The following USP31 variants were observed in gnomAD, a reference collection of about 807,000 sequenced individuals.
USP31 encodes ubiquitin carboxyl-terminal hydrolase 31.
Under a neutral mutation model 119.4 loss-of-function variants are expected in USP31, and 44 were observed. The ratio of observed to expected loss-of-function variants is 0.37; its 90% confidence interval spans 0.29 to 0.47. USP31 has a LOEUF of 0.47. Among genes scored for constraint, USP31 ranks in the 20% least tolerant of loss-of-function variants. The pLI, the probability that USP31 is intolerant of heterozygous loss-of-function variation, is 0.99. For missense variants in USP31, 1,643 were observed against 1,730.2 expected (o/e 0.95, Z 0.89); for synonymous variants, 749 against 705.6 (o/e 1.06, Z -0.97).
At chr16:23,100,268 C>T (rs1193961395) in intron 6 of USP31, among the ~76,000 whole-genome samples, 4 of 152,072 alleles carry the variant, frequency 2.6e-5, no homozygotes, top group Non-Finnish European at 4.4e-5. Flanking sequence ...TGGAAACAAC[C>T]CAAATGTTCA....
chr16:23,132,157 C>A (rs1272934853), intron 1 of USP31, among the ~76,000 whole-genome samples: 1 of 152,148 alleles, frequency 6.6e-6, no homozygotes, highest in Non-Finnish European at 1.5e-5. Context: ...GATATCCCGA[C>A]GTGCTCCACT....
intron 6 of USP31, among the ~76,000 whole-genome samples, chr16:23,095,852 A>C (rs969053764): frequency 6.6e-6 from 1 of 152,238 alleles, no homozygotes; most frequent in Non-Finnish European, 1.5e-5. Flanking sequence ...GGAAGCACTA[A>C]ACATGGAAAG....
intron 1 of USP31, among the ~76,000 whole-genome samples, chr16:23,126,521 G>C (rs1186431880): frequency 6.6e-6 from 1 of 151,392 alleles, no homozygotes; most frequent in African/African-American, 2.4e-5. Flanking sequence ...CAGCTACTTG[G>C]GAGGCTGAGG....
At chr16:23,146,736 A>C (rs994421998) in intron 1 of USP31, among the ~76,000 whole-genome samples, 4 of 152,166 alleles carry the variant, frequency 2.6e-5, no homozygotes, top group African/African-American at 4.8e-5. Context: ...CGTCAGCAAG[A>C]AAGCAGGACC....
chr16:23,092,807 C>T (rs747249068), intron 6 of USP31, among the ~76,000 whole-genome samples: 7 of 151,992 alleles, frequency 4.6e-5, no homozygotes, highest in Non-Finnish European at 1.0e-4. Context: ...AGCTGGCCAA[C>T]CCAATATACA....
chr16:23,068,418 G>C lies in USP31; in HGVS notation c.3687C>G (p.Phe1229Leu). ...TTTCCTTCTGTCTCAAGGCTGATTT[G>C]AAGAAGGACAGCCCCTTGTCCTCAG... is the stretch of plus-strand genomic sequence containing the variant. ...SKSEDKGLSF[F>L]KSALRQKETR... The change falls in exon 16 of 16, where the codon TTC becomes TTG. Residue 1229 changes from phenylalanine (F) to leucine (L), a missense_variant. This residue lies in a region of USP31 where 699 missense variants were observed against 650.9 expected (regional missense o/e 1.07). Coordinates refer to ENST00000219689, the MANE Select transcript of USP31 (RefSeq NM_020718.4). The C allele has an allele frequency of 3.1e-6, 5 of 1,613,706 alleles. No homozygotes were observed. The highest frequency in any genetic ancestry group is 4.2e-6 in the Non-Finnish European group (5 of 1,180,004).
chr16:23,132,791 T>C (rs1903069273), intron 1 of USP31, among the ~76,000 whole-genome samples: 1 of 152,288 alleles, frequency 6.6e-6, no homozygotes, highest in Middle Eastern at 3.4e-3. Flanking sequence ...ACGAAACTTA[T>C]CCACCCACCT....
Position 23,080,179 on chromosome 16 carries a change from A to G in USP31, c.1951-8T>C. Reference sequence around the variant, plus strand: ...CATGCGCCTGTCTCCTTCCTGTTGCAAGAAGAAAAACAAGTTCTGGTGATA... The same window carrying G: ...CATGCGCCTGTCTCCTTCCTGTTGCGAGAAGAAAAACAAGTTCTGGTGATA... On this transcript the variant is annotated splice_polypyrimidine_tract_variant and splice_region_variant and intron_variant, in intron 12 of 15. Transcript: ENST00000219689. 1.3e-6 allele frequency: 2 copies of G among 1,528,788 alleles called. No individual in the cohort carries two copies. Among genetic ancestry groups the G allele is most frequent in the Non-Finnish European group, 8.8e-7 (1 of 1,141,898 alleles). 94.7% of individuals were successfully genotyped at this position (1,528,788 alleles called of 1,614,324 possible).
At chr16:23,142,266 G>T (rs1903374166) in intron 1 of USP31, among the ~76,000 whole-genome samples, 1 of 152,086 alleles carries the variant, frequency 6.6e-6, no homozygotes, top group South Asian at 2.1e-4. Context: ...GCTTACTGGA[G>T]AGAGATCCAC....
Position 23,106,204 on chromosome 16 carries a change from C to A in USP31, c.953+9G>T. 1.9e-6 allele frequency: 3 copies of A among 1,614,054 alleles called. No homozygotes were observed. Among genetic ancestry groups the A allele is most frequent in the Non-Finnish European group, 2.5e-6 (3 of 1,179,982 alleles). ...AATACAGTCTTCATTTTACTAAATCCATTCTTACCTTGTGTGGGGCAGAGG... is the reference window on the plus strand; with the variant it reads ...AATACAGTCTTCATTTTACTAAATCAATTCTTACCTTGTGTGGGGCAGAGG... On this transcript the variant is annotated intron_variant, in intron 4 of 15. Coordinates refer to ENST00000219689, the MANE Select transcript of USP31 (RefSeq NM_020718.4).
intron 1 of USP31, among the ~76,000 whole-genome samples, chr16:23,132,166 C>T (rs1903049061): frequency 6.6e-6 from 1 of 152,164 alleles, no homozygotes; most frequent in South Asian, 2.1e-4. Context: ...ACGTGCTCCA[C>T]TGCAAAAATG....
chr16:23,085,551 T>A (rs1194074264), intron 10 of USP31, 34 bp downstream of exon 10: 1 of 1,559,192 alleles, frequency 6.4e-7, no homozygotes, highest in Non-Finnish European at 8.8e-7. Flanking sequence ...ATTAAAACAA[T>A]GTTTCTATAA....
intron 1 of USP31, among the ~76,000 whole-genome samples, chr16:23,124,704 C>A (rs1265674033): frequency 1.3e-5 from 2 of 152,138 alleles, no homozygotes; most frequent in Non-Finnish European, 2.9e-5. Flanking sequence ...GCCTAGCCAA[C>A]ATGGTGAAAC....
chr16:23,068,632 C>T lies in USP31; in HGVS notation c.3473G>A (p.Gly1158Asp), dbSNP rs2141824405. 2 of 1,614,190 alleles carry T rather than the reference C, an allele frequency of 1.2e-6. No homozygotes were observed. The highest frequency in any genetic ancestry group is 1.1e-5 in the South Asian group (1 of 91,078). Residue 1158 changes from glycine to aspartate, a missense_variant, in exon 16 of 16, where the codon GGC (glycine) becomes GAC (aspartate). Gly to Asp is a moderately conservative substitution (Grantham distance 94). Coordinates refer to ENST00000219689, the MANE Select transcript of USP31 (RefSeq NM_020718.4). ...GTCAGAACCCAAGCTTTGTCTGGAG[C>T]CCTCTCTACTCAAGCTGTGGTCTGA... ...RTSDHSLSRE[G>D]SRQSLGSDRA...
intron 3 of USP31, 24 bp from the exon 4 acceptor site, chr16:23,106,329 C>T (rs1383718323): frequency 1.2e-6 from 2 of 1,613,648 alleles, no homozygotes; most frequent in Non-Finnish European, 1.7e-6. Context: ...AGGTAAGACG[C>T]TTGACATTAA....
rs200869962 is a variant in USP31, at chr16:23,080,121, A to G, written c.2001T>C (p.Thr667=). 1.3e-6 allele frequency: 2 copies of G among 1,595,526 alleles called. No individual in the cohort carries two copies. Among genetic ancestry groups the G allele is most frequent in the African/African-American group, 2.7e-5 (2 of 74,266 alleles). ...KLQNMVKFPL[T]GLDMTPHVVK... The stretch of plus-strand genomic sequence containing the variant: ...CCACGTGAGGTGTCATGTCCAGGCC[A>G]GTCAAGGGGAATTTGACCATGTTCT... The change falls in exon 13 of 16, where the codon ACT becomes ACC. Residue 667 remains threonine, a synonymous_variant. Transcript: ENST00000219689.
intron 1 of USP31, among the ~76,000 whole-genome samples, chr16:23,131,132 C>A (rs919928445): frequency 6.6e-6 from 1 of 152,044 alleles, no homozygotes; most frequent in Non-Finnish European, 1.5e-5. Flanking sequence ...CAACATACCC[C>A]ATCTCACAAA....
intron 5 of USP31, among the ~76,000 whole-genome samples, chr16:23,104,009 A>G (rs1901991937): frequency 6.6e-6 from 1 of 152,200 alleles, no homozygotes; most frequent in Non-Finnish European, 1.5e-5. Context: ...AGACTTCATT[A>G]TATGCTCAGC....
Position 23,108,151 on chromosome 16 carries a change from C to A in USP31, c.666G>T (p.Arg222=). 6.2e-7 allele frequency: 1 copy of A among 1,613,830 alleles called. No homozygotes were observed. Among genetic ancestry groups the A allele is most frequent in the Non-Finnish European group, 8.5e-7 (1 of 1,179,854 alleles). ...CCTGGGCATCATGTTGGGAATTTCC[C>A]CGGTACTGCAGTGCATTCTTTGACA... The part of the protein sequence containing the change: ...TIVSKNALQY[R]GNSQHDAQEF... Residue 222 remains arginine (R), a synonymous_variant, in exon 2 of 16, where the codon CGG becomes CGT. Transcript: ENST00000219689.
Sources: gnomAD v4.1 joint callset for allele counts (sites outside exome capture counted in the v4.1 genomes callset) on GRCh38, gnomAD v4.1.1 for gene constraint, gnomAD v4.1.1 regional missense constraint, MANE v1.5 for transcripts, NCBI Gene and HGNC (gene_info 2026-07-23, HGNC 2026-07-21) for gene names.